PLS3: variants seen among roughly 807,000 people sequenced by gnomAD.
PLS3 encodes plastin-3.
Under a neutral mutation model 46.5 loss-of-function variants are expected in PLS3, and 11 were observed. That is an observed-to-expected ratio of 0.24 (90% CI 0.15 to 0.39). The LOEUF is 0.39. Among genes scored for constraint, PLS3 ranks in the 10% least tolerant of loss-of-function variants. The probability of loss-of-function intolerance (pLI) is 1.00; values close to 1 mark genes in which losing one functional copy is unlikely to be tolerated. For missense variants in PLS3, 308 were observed against 461.8 expected (o/e 0.67, Z 3.05); for synonymous variants, 167 against 162.2 (o/e 1.03, Z -0.22).
chrX:115,574,187 A>G (rs2074234342), intron 1 of PLS3, among the ~76,000 whole-genome samples: 1 of 111,702 alleles, frequency 9.0e-6, no homozygotes, highest in Non-Finnish European at 1.9e-5. Context: ...GAAAGGAAAT[A>G]AGCCCTGAGA....
chrX:115,580,566 C>T (rs2074274322), intron 1 of PLS3, among the ~76,000 whole-genome samples: 1 of 112,022 alleles, frequency 8.9e-6, no homozygotes, highest in African/African-American at 3.2e-5. Context: ...ATTACTGTAG[C>T]TACATAGTCT....
intron 1 of PLS3, among the ~76,000 whole-genome samples, chrX:115,597,834 A>T (rs1556634064): frequency 9.0e-6 from 1 of 111,673 alleles, no homozygotes; most frequent in African/African-American, 3.3e-5. Flanking sequence ...AAATACTGTC[A>T]ATTTTATTTG....
chrX:115,644,766 A>G (rs1297431621), intron 10 of PLS3, among the ~76,000 whole-genome samples: 2 of 111,403 alleles, frequency 1.8e-5, no homozygotes, highest in Non-Finnish European at 3.8e-5. Flanking sequence ...GACTATAAAA[A>G]GTTCATAAAC....
At chrX:115,577,322 C>T (rs73579769) in intron 1 of PLS3, among the ~76,000 whole-genome samples, 1,190 of 111,740 alleles carry the variant, frequency 0.011, 15 homozygotes, top group African/African-American at 0.037. Flanking sequence ...AGCTATTTTT[C>T]TAGGTCATAT....
intron 7 of PLS3, among the ~76,000 whole-genome samples, chrX:115,635,329 T>C (rs782061135): frequency 9.0e-6 from 1 of 110,571 alleles, no homozygotes; most frequent in South Asian, 3.9e-4. Flanking sequence ...ATTATCTATT[T>C]TTTTCTGTTC....
At chrX:115,573,413 C>T (rs182103175) in intron 1 of PLS3, among the ~76,000 whole-genome samples, 4,020 of 111,996 alleles carry the variant, frequency 0.036, 177 homozygotes, top group African/African-American at 0.12. Context: ...GGCAAGAAAA[C>T]GAGCCACACC....
At chrX:115,589,642 C>T (rs1556632855) in intron 1 of PLS3, among the ~76,000 whole-genome samples, 4 of 112,088 alleles carry the variant, frequency 3.6e-5, no homozygotes, top group African/African-American at 6.5e-5. Flanking sequence ...CTCCAATGTA[C>T]GTGTCACACA....
At chrX:115,612,976 T>TAA (rs2074561519) in intron 2 of PLS3, among the ~76,000 whole-genome samples, 2 of 112,220 alleles carry the variant, frequency 1.8e-5, no homozygotes, top group Admixed American at 1.9e-4. Context: ...GAAGAATAAA[T>TAA]AAAACCTTTC....
chrX:115,638,479 A>G (rs1173113690), intron 8 of PLS3, among the ~76,000 whole-genome samples: 1 of 110,080 alleles, frequency 9.1e-6, no homozygotes, highest in East Asian at 2.9e-4. Context: ...TCCTGGGCTC[A>G]AGTGATCCTC....
chrX:115,586,340 T>C (rs1295676272), intron 1 of PLS3, among the ~76,000 whole-genome samples: 1 of 107,273 alleles, frequency 9.3e-6, no homozygotes, highest in Non-Finnish European at 1.9e-5. Context: ...TTGTAACATA[T>C]ATTTCCTTTC....
chrX:115,565,125 C>T (rs1336670868), intron 1 of PLS3, among the ~76,000 whole-genome samples: 2 of 111,576 alleles, frequency 1.8e-5, no homozygotes, highest in East Asian at 2.8e-4. Context: ...GTTATGAGAG[C>T]GCTTTGGTTA....
intron 1 of PLS3, among the ~76,000 whole-genome samples, chrX:115,578,217 T>G (rs1179818267): frequency 8.9e-6 from 1 of 111,770 alleles, no homozygotes; most frequent in Admixed American, 9.5e-5. Context: ...GGGAGAAGTG[T>G]CACTTGAACA....
intron 12 of PLS3, 102 bp from the exon 13 acceptor site, chrX:115,646,300 T>TTAA (rs1271388056): frequency 1.0e-6 from 1 of 958,332 alleles, no homozygotes; most frequent in African/African-American, 1.9e-5. Context: ...TGTGTCTTAT[T>TTAA]TGTTTTTGTG....
chrX:115,575,000 C>A (rs2074239399), intron 1 of PLS3, among the ~76,000 whole-genome samples: 1 of 112,028 alleles, frequency 8.9e-6, no homozygotes, highest in Admixed American at 9.5e-5. Flanking sequence ...CTATCACCTT[C>A]CACAGCACTC....
chrX:115,603,657 C>T lies in PLS3; in HGVS notation c.-8-6586C>T, dbSNP rs2074465282. ...TTGCTTGGTGGCACACATCTGTATTCTCAGCTACTCAGGAGGCTGAGGCAG... is the reference window on the plus strand; with the variant it reads ...TTGCTTGGTGGCACACATCTGTATTTTCAGCTACTCAGGAGGCTGAGGCAG... On this transcript the variant is annotated intron_variant, in intron 1 of 15. Coordinates refer to ENST00000355899, the MANE Select transcript of PLS3 (RefSeq NM_005032.7). 2.7e-5 allele frequency among the ~76,000 whole-genome samples: 3 copies of T among 110,750 alleles called. No individual in the cohort carries two copies. In the South Asian group the frequency reaches 1.2e-3, roughly 43 times the overall value.
intron 6 of PLS3, 140 bp downstream of exon 6, chrX:115,634,221 C>T (rs781877861): frequency 1.1e-5 from 5 of 449,714 alleles, no homozygotes; most frequent in Non-Finnish European, 2.0e-5. Flanking sequence ...CCAGATTATA[C>T]AGACAGAACT....
chrX:115,587,026 C>T (rs2074313513), intron 1 of PLS3, among the ~76,000 whole-genome samples: 1 of 112,131 alleles, frequency 8.9e-6, no homozygotes, highest in African/African-American at 3.2e-5. Flanking sequence ...AAAAGTGTGG[C>T]ACATGGGCTC....
intron 1 of PLS3, chrX:115,593,723 C>T (rs2074362135): frequency 9.0e-6 from 1 of 111,328 alleles, no homozygotes; most frequent in Non-Finnish European, 1.9e-5. Context: ...GAATTTACGT[C>T]AAAAAGCTTG....
At chrX:115,635,226 A>G (rs782428206) in intron 7 of PLS3, among the ~76,000 whole-genome samples, 180 bp downstream of exon 7, 1 of 111,753 alleles carries the variant, frequency 8.9e-6, no homozygotes, top group East Asian at 2.8e-4. Context: ...TTTACTAGTA[A>G]TTCACATTTG....
Sources: allele counts gnomAD v4.1 joint callset (sites outside exome capture counted in the v4.1 genomes callset), GRCh38; gene constraint gnomAD v4.1.1; transcripts MANE v1.5; gene names NCBI Gene and HGNC (gene_info 2026-07-23, HGNC 2026-07-21).